The following EPHA4 variants were observed in gnomAD, a reference collection of about 807,000 sequenced individuals.
EPHA4 encodes EPH receptor A4, also known as ephrin type-A receptor 4.
In EPHA4, 19 loss-of-function variants were observed where a neutral mutation model predicts 108.3. The observed-to-expected ratio is 0.18, with a 90% CI of 0.12 to 0.26. The LOEUF is 0.26. Among genes scored for constraint, EPHA4 ranks in the 10% least tolerant of loss-of-function variants. The pLI, the probability that EPHA4 is intolerant of heterozygous loss-of-function variation, is 1.00. For missense variants in EPHA4, 917 were observed against 1,254.0 expected, an observed-to-expected ratio of 0.73 and a Z score of 4.06; for synonymous variants, 449 against 455.5, an observed-to-expected ratio of 0.99 and a Z score of 0.18.
At chr2:221,572,507 G>C, upstream of EPHA4, 1 of 134,624 alleles carries the variant, frequency 7.4e-6, no homozygotes, top group Non-Finnish European at 1.1e-5. Flanking sequence ...TAGGGGGCGA[G>C]CACGGCCGGT....
At chr2:221,538,770 T>G (rs1693745702) in intron 3 of EPHA4, among the ~76,000 whole-genome samples, 1 of 152,350 alleles carries the variant, frequency 6.6e-6, no homozygotes, top group Non-Finnish European at 1.5e-5. Context: ...ACATGATGTA[T>G]TCGGTGAGTA....
chr2:221,426,285 G>A (rs1012391699), intron 16 of EPHA4, 143 bp from the exon 17 acceptor site: 3 of 995,168 alleles, frequency 3.0e-6, no homozygotes, highest in Non-Finnish European at 4.4e-6. Context: ...GTTTCATTAA[G>A]CAATTTAATG....
chr2:221,484,120 G>A (rs1402621511), intron 4 of EPHA4, among the ~76,000 whole-genome samples: 1 of 152,302 alleles, frequency 6.6e-6, no homozygotes, highest in Non-Finnish European at 1.5e-5. Context: ...CTCAGGAAAA[G>A]AAAGTTAACA....
chr2:221,559,378 A>G (rs971184918), intron 3 of EPHA4, among the ~76,000 whole-genome samples: 4 of 152,068 alleles, frequency 2.6e-5, no homozygotes, highest in Non-Finnish European at 5.9e-5. Flanking sequence ...CTCTCCTTTC[A>G]TTTTTCAGCT....
Position 221,437,105 on chromosome 2 carries a change from T to C in EPHA4, c.2092A>G (p.Ile698Val), listed in dbSNP as rs1332294584. 6.2e-7 allele frequency: 1 copy of C among 1,612,524 alleles called. No individual in the cohort carries two copies. The highest frequency in any genetic ancestry group is 2.2e-5 in the East Asian group (1 of 44,860). ...GAGCCATTCTCCATGTACTCTGTTATGATCATTACTGGTTTACCTAGAGTT... is the reference window on the plus strand; with the variant it reads ...GAGCCATTCTCCATGTACTCTGTTACGATCATTACTGGTTTACCTAGAGTT... ...VVTKCKPVMI[I>V]TEYMENGSLD... The change falls in exon 12 of 18, where the codon ATA (isoleucine) becomes GTA (valine). Residue 698 changes from isoleucine to valine, a missense_variant. Transcript: ENST00000281821.
At position 221,499,756 on chromosome 2, in the gene EPHA4, ATTTTTTT is replaced by A. The variant is rs575017779; in HGVS notation, c.979+1254_979+1260del. 2.9e-3 allele frequency among the ~76,000 whole-genome samples: 77 copies of A among 26,214 alleles called. 1 individual carries two copies. The highest frequency in any genetic ancestry group is 0.012 in the African/African-American group (75 of 6,292). The allele number at this position is 26,214 out of a possible 152,430, so 17.2% of individuals were successfully genotyped here. ...TATATATATATATATATATATATATATTTTTTTTTTTTTTTTTTGAGACAGAGTTTTG... is the reference window on the plus strand; with the variant it reads ...TATATATATATATATATATATATATATTTTTTTTTTTGAGACAGAGTTTTG... On this transcript the variant is annotated intron_variant, in intron 4 of 17. Coordinates refer to ENST00000281821, the MANE Select transcript of EPHA4 (RefSeq NM_004438.5).
intron 14 of EPHA4, among the ~76,000 whole-genome samples, chr2:221,430,796 A>G (rs1006038884): frequency 6.6e-6 from 1 of 152,266 alleles, no homozygotes; most frequent in East Asian, 1.9e-4. Flanking sequence ...ATTTTTTTTA[A>G]AAAAGTAAAA....
chr2:221,437,022 T>G, intron 12 of EPHA4, 39 bp downstream of exon 12: 1 of 1,498,944 alleles, frequency 6.7e-7, no homozygotes, highest in South Asian at 1.1e-5. Context: ...GTTTTCTAAA[T>G]ACCAACATTC....
At chr2:221,518,553 G>C (rs1204138352) in intron 3 of EPHA4, among the ~76,000 whole-genome samples, 3 of 152,194 alleles carry the variant, frequency 2.0e-5, no homozygotes, top group Non-Finnish European at 4.4e-5. Context: ...GTATACGAAT[G>C]AATGAATGAA....
intron 3 of EPHA4, among the ~76,000 whole-genome samples, chr2:221,541,213 G>C (rs181701064): frequency 1.1e-3 from 175 of 152,216 alleles, no homozygotes; most frequent in African/African-American, 3.9e-3. Context: ...GCCTCTCAAA[G>C]TGCTGGGATT....
intron 5 of EPHA4, among the ~76,000 whole-genome samples, chr2:221,465,947 A>T (rs1334390781): frequency 6.6e-6 from 1 of 152,216 alleles, no homozygotes; most frequent in Admixed American, 6.5e-5. Context: ...GGCCCACAGA[A>T]GATTGGTCTG....
chr2:221,450,366 C>G (rs1397303580), intron 8 of EPHA4, among the ~76,000 whole-genome samples: 5 of 152,218 alleles, frequency 3.3e-5, no homozygotes, highest in Admixed American at 3.3e-4. Context: ...AGAAAATTAA[C>G]TTGCAAACTC....
chr2:221,436,323 G>C lies in EPHA4; in HGVS notation c.2346+76C>G, dbSNP rs991409833. The C allele has an allele frequency of 4.3e-6, 6 of 1,387,464 alleles. No homozygotes were observed. The Middle Eastern group carries it at 6.2e-4, about 142-fold the overall frequency. 85.9% of individuals were successfully genotyped at this position (1,387,464 alleles called of 1,614,324 possible). On this transcript the variant is annotated intron_variant, in intron 13 of 17. Transcript: ENST00000281821. Reference sequence around the variant, plus strand: ...ACTTAAAAAATAAAAAAATTACAAAGGGCTTCAATCTCAAAGTGAGAAGAG... The same window carrying C: ...ACTTAAAAAATAAAAAAATTACAAACGGCTTCAATCTCAAAGTGAGAAGAG...
intron 3 of EPHA4, among the ~76,000 whole-genome samples, chr2:221,516,260 T>A (rs1692985803): frequency 1.3e-5 from 2 of 152,136 alleles, no homozygotes; most frequent in South Asian, 4.1e-4. Context: ...CAGTTTCCTC[T>A]AAGAGTACCA....
At chr2:221,483,597 C>A (rs1261488105) in intron 4 of EPHA4, among the ~76,000 whole-genome samples, 2 of 151,578 alleles carry the variant, frequency 1.3e-5, no homozygotes, top group African/African-American at 4.9e-5. Flanking sequence ...CTCACTGCAA[C>A]TTTCACCTCC....
chr2:221,503,241 A>T (rs918335949), intron 3 of EPHA4, among the ~76,000 whole-genome samples: 1 of 152,226 alleles, frequency 6.6e-6, no homozygotes, highest in African/African-American at 2.4e-5. Context: ...AGAAAACTGC[A>T]TATTACTGAC....
rs1021213786 is a variant in EPHA4 at position 221,481,404 on chromosome 2, C to A, written c.1318+948G>T. Among the ~76,000 whole-genome samples the A allele has an allele frequency of 2.0e-5, 3 of 147,084 alleles. No homozygotes were observed. The East Asian group carries it at 6.4e-4, about 31-fold the overall frequency. ...GCTGCAATCACGCCTGTAATCCCAG[C>A]CCTTTGGGAGGCCAAGGTGGGCGGA... On this transcript the variant is annotated intron_variant, in intron 5 of 17. Coordinates refer to ENST00000281821, the MANE Select transcript of EPHA4 (RefSeq NM_004438.5).
intron 2 of EPHA4, among the ~76,000 whole-genome samples, chr2:221,566,956 G>A (rs7589383): frequency 0.22 from 1,397 of 6,378 alleles, 457 homozygotes; most frequent in African/African-American, 0.5. Context: ...GAAGGAGAAG[G>A]GGAAGAGGAA....
Position 221,571,786 on chromosome 2 carries a change from C to T in EPHA4, c.91+372G>A, listed in dbSNP as rs1034296085. ...TCACTGTGCTCCAGGCTGCGTTTTCCCCTCGCCCCGGGCTGGCTCAGGAGA... is the reference window on the plus strand; with the variant it reads ...TCACTGTGCTCCAGGCTGCGTTTTCTCCTCGCCCCGGGCTGGCTCAGGAGA... On this transcript the variant is annotated intron_variant, in intron 1 of 17. Transcript: ENST00000281821. This position sits in a 1 kb window ranked among gnomAD's most constrained non-coding sequence, Gnocchi z 6.3. 6.6e-6 allele frequency among the ~76,000 whole-genome samples: 1 copy of T among 152,216 alleles called. No homozygotes were observed. Among genetic ancestry groups the T allele is most frequent in the Non-Finnish European group, 1.5e-5 (1 of 68,034 alleles).
Sources: gnomAD v4.1 joint callset for allele counts (sites outside exome capture counted in the v4.1 genomes callset) on GRCh38, gnomAD v4.1.1 for gene constraint, Gnocchi (gnomAD v3.1) non-coding constraint, MANE v1.5 for transcripts, NCBI Gene and HGNC (gene_info 2026-07-23, HGNC 2026-07-21) for gene names.